The following AGPS variants were observed in gnomAD, a reference collection of about 807,000 sequenced individuals.
AGPS encodes the protein alkylglycerone phosphate synthase.
Under a neutral mutation model 90.7 loss-of-function variants are expected in AGPS, and 26 were observed. The ratio of observed to expected loss-of-function variants is 0.29; its 90% CI spans 0.21 to 0.40. The LOEUF (loss-of-function observed/expected upper bound fraction) is 0.40. AGPS is among the 10% of genes least tolerant of loss of function. AGPS has a pLI of 1.00. For missense variants in AGPS, 540 were observed against 816.1 expected, an observed-to-expected ratio of 0.66 and a Z score of 4.12; for synonymous variants, 294 against 285.3, an observed-to-expected ratio of 1.03 and a Z score of -0.31.
intron 11 of AGPS, among the ~76,000 whole-genome samples, chr2:177,485,863 G>A (rs982341527): frequency 6.6e-6 from 1 of 152,164 alleles, no homozygotes; most frequent in African/African-American, 2.4e-5. Flanking sequence ...GCTGCTGTGA[G>A]TCGTGATCGT....
intron 17 of AGPS, 97 bp downstream of exon 17, chr2:177,514,005 C>G: frequency 1.1e-6 from 1 of 904,830 alleles, no homozygotes. Flanking sequence ...GAAAAAGCTT[C>G]AGTCTATTAC....
chr2:177,524,694 G>A (rs761436328), intron 19 of AGPS, among the ~76,000 whole-genome samples: 11 of 151,464 alleles, frequency 7.3e-5, no homozygotes, highest in African/African-American at 2.7e-4. Context: ...CTGTATATTT[G>A]TACTTTTTAA....
At chr2:177,466,945 AGCCACAGCTGGGCT>A (rs1283020137) in intron 9 of AGPS, among the ~76,000 whole-genome samples, 1 of 152,108 alleles carries the variant, frequency 6.6e-6, no homozygotes, top group African/African-American at 2.4e-5. Context: ...CTGGATCCAG[AGCCACAGCTGGGCT>A]GCCACAGCTG....
rs2079222856 is a variant in AGPS, at chr2:177,540,248, C to G, written c.*2053C>G. 1 of 151,794 alleles carries G rather than the reference C, an allele frequency of 6.6e-6. No individual in the cohort carries two copies. The highest frequency in any genetic ancestry group is 2.4e-5 in the African/African-American group (1 of 41,342). The allele number at this position is 151,794 out of a possible 1,614,324, so 9.4% of individuals were successfully genotyped here. A position where few individuals can be genotyped will look rare whatever the true frequency, so the allele number is the denominator to read the frequency against. On this transcript the variant is annotated 3_prime_UTR_variant, in exon 20 of 20. Coordinates refer to ENST00000264167, the MANE Select transcript of AGPS (RefSeq NM_003659.4). ...ATATTAGGAAACTGTAAATGTAACA[C>G]CTGAAATTATTATGTTCACTATTCT... is the stretch of plus-strand genomic sequence containing the variant.
chr2:177,482,808 A>T (rs1321835423), intron 11 of AGPS, among the ~76,000 whole-genome samples: 1 of 152,096 alleles, frequency 6.6e-6, no homozygotes, highest in South Asian at 2.1e-4. Context: ...TTAAGACAAG[A>T]TAATGCTAAG....
At chr2:177,403,335 T>C (rs916591757) in intron 1 of AGPS, among the ~76,000 whole-genome samples, 4 of 152,190 alleles carry the variant, frequency 2.6e-5, no homozygotes, top group Non-Finnish European at 5.9e-5. Context: ...CAAGATGTTA[T>C]GCAAAAATTC....
intron 19 of AGPS, among the ~76,000 whole-genome samples, chr2:177,525,066 C>T (rs978502280): frequency 3.3e-5 from 5 of 152,130 alleles, no homozygotes; most frequent in South Asian, 2.1e-4. Context: ...TATTTATTAT[C>T]CTTTCATTTG....
intron 10 of AGPS, among the ~76,000 whole-genome samples, chr2:177,481,485 T>C (rs888054465): frequency 6.6e-6 from 1 of 151,954 alleles, no homozygotes; most frequent in African/African-American, 2.4e-5. Context: ...ATATTTATAA[T>C]GACTACTTTG....
intron 11 of AGPS, among the ~76,000 whole-genome samples, chr2:177,483,700 G>A (rs148895679): frequency 6.6e-6 from 1 of 152,266 alleles, no homozygotes; most frequent in Non-Finnish European, 1.5e-5. Context: ...AGAGTATATA[G>A]TATTAACACC....
intron 1 of AGPS, among the ~76,000 whole-genome samples, chr2:177,400,451 C>T (rs1685301475): frequency 6.6e-6 from 1 of 152,030 alleles, no homozygotes; most frequent in Non-Finnish European, 1.5e-5. Flanking sequence ...GTCTTTGGTT[C>T]TCTTAAGCAT....
intron 16 of AGPS, among the ~76,000 whole-genome samples, chr2:177,508,827 C>G (rs1417260446): frequency 6.6e-6 from 1 of 152,110 alleles, no homozygotes; most frequent in Non-Finnish European, 1.5e-5. Flanking sequence ...TTGAGCATCC[C>G]AAATCTGGAA....
chr2:177,506,544 T>C (rs1559076711), intron 15 of AGPS, among the ~76,000 whole-genome samples: 1 of 151,946 alleles, frequency 6.6e-6, no homozygotes, highest in Non-Finnish European at 1.5e-5. Context: ...ACAACATGTT[T>C]TTCTCTAAAA....
intron 1 of AGPS, among the ~76,000 whole-genome samples, chr2:177,407,792 CTTT>C (rs66559811): frequency 1.2e-4 from 17 of 139,238 alleles, no homozygotes; most frequent in Admixed American, 2.9e-4. Context: ...AACAAATTTC[CTTT>C]TTTTTTTTTT....
chr2:177,405,464 A>C (rs546983215), intron 1 of AGPS, among the ~76,000 whole-genome samples: 1 of 152,336 alleles, frequency 6.6e-6, no homozygotes, highest in African/African-American at 2.4e-5. Flanking sequence ...TCCTTGAGTC[A>C]TCAATCTTTT....
chr2:177,441,242 T>G (rs1574369793), intron 6 of AGPS: 3 of 524,044 alleles, frequency 5.7e-6, no homozygotes, highest in South Asian at 5.2e-5. Flanking sequence ...AGTTCATGGC[T>G]TTTTCCTCTA....
At chr2:177,444,154 C>T (rs1247998767) in intron 7 of AGPS, among the ~76,000 whole-genome samples, 1 of 152,130 alleles carries the variant, frequency 6.6e-6, no homozygotes, top group African/African-American at 2.4e-5. Context: ...GGCGTGGTGG[C>T]TCACGCCTGT....
intron 9 of AGPS, among the ~76,000 whole-genome samples, chr2:177,466,663 T>C (rs1190590420): frequency 1.3e-5 from 2 of 152,214 alleles, no homozygotes; most frequent in South Asian, 2.1e-4. Flanking sequence ...GGTGCTGGCA[T>C]GTCAGCACTG....
intron 1 of AGPS, 45 bp from the exon 2 acceptor site, chr2:177,420,224 G>C: frequency 8.3e-7 from 1 of 1,204,734 alleles, no homozygotes; most frequent in Non-Finnish European, 1.2e-6. Flanking sequence ...ACAGTTTTAA[G>C]ATGTTTAGCA....
At chr2:177,473,617 A>G (rs566305495) in intron 10 of AGPS, among the ~76,000 whole-genome samples, 2 of 152,256 alleles carry the variant, frequency 1.3e-5, no homozygotes, top group Non-Finnish European at 2.9e-5. Flanking sequence ...AAGTAGTTTT[A>G]TATCACTCTG....
Sources: gnomAD v4.1 joint callset for allele counts (sites outside exome capture counted in the v4.1 genomes callset) on GRCh38, gnomAD v4.1.1 for gene constraint, MANE v1.5 for transcripts, NCBI Gene and HGNC (gene_info 2026-07-23, HGNC 2026-07-21) for gene names.